VGLL4: variants seen among roughly 807,000 people sequenced by gnomAD.
The protein encoded by VGLL4 is vestigial like family member 4.
A neutral mutation model predicts 21.0 loss-of-function variants in VGLL4; 7 were observed. The observed-to-expected ratio is 0.33, with a 90% CI of 0.19 to 0.63. The LOEUF is 0.63. Ranked by LOEUF, VGLL4 falls within the 20% of genes least tolerant of loss-of-function variation. The pLI is 0.78. For missense variants in VGLL4, 394 were observed against 425.7 expected (o/e 0.93, Z 0.66); for synonymous variants, 222 against 173.2 (o/e 1.28, Z -2.21).
intron 2 of VGLL4, among the ~76,000 whole-genome samples, chr3:11,590,294 T>G (rs1449236411): frequency 6.6e-6 from 1 of 152,208 alleles, no homozygotes; most frequent in Non-Finnish European, 1.5e-5. Flanking sequence ...TGCAGCAAGA[T>G]TTCAGTTCTC....
chr3:11,612,978 T>C (rs62245778), intron 1 of VGLL4, among the ~76,000 whole-genome samples: 97 of 152,304 alleles, frequency 6.4e-4, no homozygotes, highest in Non-Finnish European at 9.0e-4. Flanking sequence ...GCAGATGGTA[T>C]TGGAATCAGG....
At chr3:11,669,758 T>C (rs934278694) in intron 2 of VGLL4, among the ~76,000 whole-genome samples, 3 of 152,104 alleles carry the variant, frequency 2.0e-5, no homozygotes, top group Non-Finnish European at 2.9e-5. Flanking sequence ...CAGCTCATTA[T>C]AGCCTCGACC....
rs551294362 is a variant in VGLL4, at chr3:11,625,917, G to A, written c.82+17520C>T. On this transcript the variant is annotated intron_variant, in intron 1 of 4. Transcript: ENST00000430365. ...AGGACGGGGGAATGGAGAGTGAAACGGGTCAAGGTTTCTTCCGGGAGTGAT... is the reference window on the plus strand; with the variant it reads ...AGGACGGGGGAATGGAGAGTGAAACAGGTCAAGGTTTCTTCCGGGAGTGAT... Among the ~76,000 whole-genome samples, 8 of 152,230 alleles carry A rather than the reference G, an allele frequency of 5.3e-5. No individual in the cohort carries two copies. The South Asian group carries it at 8.3e-4, about 16-fold the overall frequency.
chr3:11,659,433 G>C (rs1430303171), intron 2 of VGLL4, among the ~76,000 whole-genome samples: 1 of 143,664 alleles, frequency 7.0e-6, no homozygotes. Flanking sequence ...CCGGGTTCAA[G>C]CAATTCTCCT....
chr3:11,602,071 T>C (rs766097000), intron 1 of VGLL4, 49 bp from the exon 2 acceptor site: 1 of 1,453,026 alleles, frequency 6.9e-7, no homozygotes, highest in Non-Finnish European at 9.1e-7. Flanking sequence ...AAGGCCCCCA[T>C]CTCAGTCCCC....
intron 2 of VGLL4, among the ~76,000 whole-genome samples, chr3:11,600,294 T>C (rs765236180): frequency 6.6e-6 from 1 of 151,736 alleles, no homozygotes; most frequent in Non-Finnish European, 1.5e-5. Context: ...AGCTGTTGTG[T>C]GGCAGAATCA....
In VGLL4 at chr3:11,564,651, C is replaced by T. The variant is rs963537612; in HGVS notation, c.495+146G>A. The T allele has an allele frequency of 5.3e-5, 44 of 826,668 alleles. No individual in the cohort carries two copies. The South Asian group carries it at 6.0e-4, about 11-fold the overall frequency. 51.2% of individuals were successfully genotyped at this position (826,668 alleles called of 1,614,324 possible). On this transcript the variant is annotated intron_variant, in intron 3 of 4. Transcript: ENST00000430365. Reference sequence around the variant, plus strand: ...CCTTGTCCCAAGTGCACAACAGAGGCGAAGGGTGGCATCCCTCACCACCTC... The same window carrying T: ...CCTTGTCCCAAGTGCACAACAGAGGTGAAGGGTGGCATCCCTCACCACCTC...
intron 1 of VGLL4, among the ~76,000 whole-genome samples, chr3:11,709,985 C>T (rs1298760901): frequency 1.3e-5 from 2 of 152,132 alleles, no homozygotes; most frequent in African/African-American, 4.8e-5. Flanking sequence ...TCTGGTGAGA[C>T]CTCAGGAAGC....
chr3:11,571,535 T>A (rs558023076), intron 2 of VGLL4, among the ~76,000 whole-genome samples: 1 of 151,672 alleles, frequency 6.6e-6, no homozygotes, highest in East Asian at 2.0e-4. Context: ...AATACAAAAA[T>A]TAGCTGGGCA....
intron 2 of VGLL4, among the ~76,000 whole-genome samples, chr3:11,684,284 T>C (rs1413242918): frequency 6.6e-6 from 1 of 152,154 alleles, no homozygotes; most frequent in East Asian, 1.9e-4. Flanking sequence ...TTTAAATATA[T>C]GGTTAAGTTC....
At chr3:11,686,140 T>A (rs903806520) in intron 2 of VGLL4, among the ~76,000 whole-genome samples, 2 of 152,290 alleles carry the variant, frequency 1.3e-5, no homozygotes, top group East Asian at 1.9e-4. Context: ...AAAAAATTTT[T>A]AAAAAATTTC....
chr3:11,560,711 A>T (rs1266087717), intron 3 of VGLL4, among the ~76,000 whole-genome samples: 1 of 152,210 alleles, frequency 6.6e-6, no homozygotes, highest in East Asian at 1.9e-4. Flanking sequence ...GCTTAGCAAC[A>T]GCAGACCAAC....
chr3:11,587,188 A>T (rs1045367366), intron 2 of VGLL4, among the ~76,000 whole-genome samples: 1 of 152,190 alleles, frequency 6.6e-6, no homozygotes, highest in Non-Finnish European at 1.5e-5. Flanking sequence ...ATCCTAAAGG[A>T]ACTGTGTCTT....
chr3:11,696,385 C>A lies in VGLL4; in HGVS notation c.64+6586G>T, dbSNP rs564546980. Among the ~76,000 whole-genome samples, 10 of 152,216 alleles carry A rather than the reference C, an allele frequency of 6.6e-5. No homozygotes were observed. In the South Asian group the frequency reaches 2.1e-3, roughly 32 times the overall value. ...GAAACCTATTTGTCTCCCTCCTGTGCTCTGGGGCATGCCTGCCCCTTTGCT... is the reference window on the plus strand; with the variant it reads ...GAAACCTATTTGTCTCCCTCCTGTGATCTGGGGCATGCCTGCCCCTTTGCT... On this transcript the variant is annotated intron_variant, in intron 2 of 5. Coordinates refer to the VGLL4 transcript ENST00000273038.
intron 1 of VGLL4, chr3:11,633,807 C>T (rs1036918454): frequency 5.9e-5 from 9 of 152,182 alleles, no homozygotes; most frequent in African/African-American, 1.9e-4. Flanking sequence ...AAAGGGCTTA[C>T]TCACAGGAAG....
intron 1 of VGLL4, among the ~76,000 whole-genome samples, chr3:11,718,961 C>G (rs1386164515): frequency 6.6e-6 from 1 of 152,238 alleles, no homozygotes. Context: ...GCACTGTCTT[C>G]ATAACCTAAG....
intron 1 of VGLL4, among the ~76,000 whole-genome samples, chr3:11,630,768 TAAAC>T (rs1389405808): frequency 6.6e-6 from 1 of 152,198 alleles, no homozygotes; most frequent in African/African-American, 2.4e-5. Context: ...CTTAAAAAGT[TAAAC>T]GTACCCAATA....
Position 11,558,166 on chromosome 3 carries a change from C to T in VGLL4, c.*390G>A, listed in dbSNP as rs570616053. The T allele has an allele frequency of 5.7e-4, 148 of 261,276 alleles. 2 individuals are homozygous for T. The South Asian group carries it at 7.6e-3, about 13-fold the overall frequency. The allele number at this position is 261,276 out of a possible 1,614,324, so 16.2% of individuals were successfully genotyped here. A position where few individuals can be genotyped will look rare whatever the true frequency, so the allele number is the denominator to read the frequency against. On this transcript the variant is annotated 3_prime_UTR_variant, in exon 5 of 5. Transcript: ENST00000430365. ...CGTGGAAGCTGAGCCACACACACCC[C>T]GGTCTCAAGAAGCAAAGGAAAAAGC...
At chr3:11,638,770 GT>G (rs971244191) in intron 1 of VGLL4, among the ~76,000 whole-genome samples, 5 of 151,916 alleles carry the variant, frequency 3.3e-5, no homozygotes, top group Non-Finnish European at 7.4e-5. Flanking sequence ...TTTCCTGAAG[GT>G]TCTGAGCTCA....
Sources: gnomAD v4.1 joint callset for allele counts (sites outside exome capture counted in the v4.1 genomes callset) on GRCh38, gnomAD v4.1.1 for gene constraint, MANE v1.5 for transcripts, NCBI Gene and HGNC (gene_info 2026-07-23, HGNC 2026-07-21) for gene names.